CEP164: variants seen among roughly 807,000 people sequenced by gnomAD.
CEP164 encodes the protein centrosomal protein of 164 kDa.
A neutral mutation model predicts 182.7 loss-of-function variants in CEP164; 162 were observed. The ratio of observed to expected loss-of-function variants is 0.89; its 90% confidence interval spans 0.78 to 1.01. CEP164 has a LOEUF of 1.01. Ranked by LOEUF, CEP164 falls within the 50% of genes least tolerant of loss-of-function variation. The pLI is 0.00. For missense variants in CEP164, 1,735 were observed against 1,790.4 expected (o/e 0.97, Z 0.56); for synonymous variants, 661 against 690.0 (o/e 0.96, Z 0.66).
chr11:117,363,759 C>CTTTTTT lies in CEP164; in HGVS notation c.765+276_765+281dup, dbSNP rs72255760. Among the ~76,000 whole-genome samples the CTTTTTT allele has an allele frequency of 2.4e-4, 14 of 58,444 alleles. 2 individuals carry two copies. The highest frequency in any genetic ancestry group is 3.7e-4 in the Non-Finnish European group (12 of 32,080). The allele number at this position is 58,444 out of a possible 152,430, so 38.3% of individuals were successfully genotyped here. ...ATTGTAATACCTAAAACCTCCAATGCTTTTTTTTTTTTTTTTTTTTTTTTT... is the reference window on the plus strand; with the variant it reads ...ATTGTAATACCTAAAACCTCCAATGCTTTTTTTTTTTTTTTTTTTTTTTTTTTTTTT... On this transcript the variant is annotated intron_variant, in intron 8 of 32. Transcript: ENST00000278935.
rs980054224 is a variant in CEP164, at chr11:117,411,204, C to CGCCCCTCCCTCTA, written c.4163+319_4163+331dup. 2.8e-6 allele frequency: 1 copy of CGCCCCTCCCTCTA among 360,596 alleles called. No individual in the cohort carries two copies. Among genetic ancestry groups the CGCCCCTCCCTCTA allele is most frequent in the South Asian group, 4.0e-5 (1 of 25,018 alleles). The allele number at this position is 360,596 out of a possible 1,614,324, so 22.3% of individuals were successfully genotyped here. On this transcript the variant is annotated intron_variant, in intron 31 of 32. Transcript: ENST00000278935. The surrounding 1 kb of genome is among the most constrained non-coding windows in gnomAD (Gnocchi z 4.4). ...TCAGCCCCTGGTGGGACCCTGCCCC[C>CGCCCCTCCCTCTA]GCCCCTCCCTCTAGCCCCTCCAGCC...
chr11:117,391,996 C>T (rs919584966), intron 17 of CEP164, among the ~76,000 whole-genome samples: 2 of 152,148 alleles, frequency 1.3e-5, no homozygotes, highest in Admixed American at 6.5e-5. Context: ...AGCAGAGAGC[C>T]GAAACTTACT....
At chr11:117,350,139 C>T (rs752302742) in intron 4 of CEP164, among the ~76,000 whole-genome samples, 12 of 151,810 alleles carry the variant, frequency 7.9e-5, no homozygotes, top group Non-Finnish European at 1.6e-4. Flanking sequence ...GAACTCCTGA[C>T]GTCAGGTGAT....
At chr11:117,325,878 A>G (rs1476797184), upstream of CEP164, among the ~76,000 whole-genome samples, 1 of 150,894 alleles carries the variant, frequency 6.6e-6, no homozygotes, top group African/African-American at 2.4e-5. Flanking sequence ...AGGTATACAC[A>G]TGCCATAGAG....
chr11:117,355,839 T>A (rs2040234007), intron 5 of CEP164: 7 of 1,069,806 alleles, frequency 6.5e-6, no homozygotes, highest in Non-Finnish European at 8.0e-6. Context: ...CAGGGTCTCT[T>A]GCTAATACCA....
At chr11:117,355,624 A>G in intron 5 of CEP164, 1 of 1,197,612 alleles carries the variant, frequency 8.3e-7, no homozygotes, top group Non-Finnish European at 1.1e-6. Flanking sequence ...AGTTGTTGTT[A>G]GATAGCAGCC....
intron 14 of CEP164, among the ~76,000 whole-genome samples, chr11:117,383,761 G>A (rs1367790983): frequency 6.6e-6 from 1 of 152,222 alleles, no homozygotes; most frequent in Non-Finnish European, 1.5e-5. Context: ...TATAGGCCGG[G>A]CGCGGTGGCT....
chr11:117,328,874 C>T (rs145735396), intron 1 of CEP164, among the ~76,000 whole-genome samples: 1 of 152,196 alleles, frequency 6.6e-6, no homozygotes, highest in Non-Finnish European at 1.5e-5. Flanking sequence ...TCACAGTGTT[C>T]TGGCTTTAGT....
chr11:117,329,707 A>G (rs1173765049), intron 1 of CEP164, among the ~76,000 whole-genome samples: 1 of 151,874 alleles, frequency 6.6e-6, no homozygotes, highest in African/African-American at 2.4e-5. Flanking sequence ...ACTCCTGGCT[A>G]ATTTTTTGTA....
At chr11:117,342,636 C>T (rs995467965) in intron 3 of CEP164, among the ~76,000 whole-genome samples, 18 of 149,912 alleles carry the variant, frequency 1.2e-4, no homozygotes, top group African/African-American at 4.2e-4. Context: ...CCACCATGCC[C>T]GGCTACTTTT....
chr11:117,400,398 A>G (rs1428161603), intron 27 of CEP164, among the ~76,000 whole-genome samples: 3 of 152,118 alleles, frequency 2.0e-5, no homozygotes, highest in African/African-American at 7.2e-5. Flanking sequence ...GCCTTGTAGT[A>G]TCATTTGAAG....
intron 8 of CEP164, 116 bp downstream of exon 8, chr11:117,363,622 G>A (rs2041266620): frequency 2.9e-6 from 2 of 690,228 alleles, no homozygotes; most frequent in Admixed American, 5.5e-5. Context: ...TTTTGTCCCA[G>A]TCCTTCCAGA....
At chr11:117,410,991 C>A in intron 31 of CEP164, 97 bp downstream of exon 31, 1 of 1,102,784 alleles carries the variant, frequency 9.1e-7, no homozygotes, top group Non-Finnish European at 1.3e-6. Flanking sequence ...AGCAGACCTC[C>A]TGGTCTTACC....
rs758759503 is a variant in CEP164, at chr11:117,397,297, G to A, written c.3485G>A (p.Arg1162His). The A allele has an allele frequency of 2.3e-5, 37 of 1,612,532 alleles. No homozygotes were observed. Among genetic ancestry groups the A allele is most frequent in the Non-Finnish European group, 2.8e-5 (33 of 1,179,750 alleles). The change falls in exon 27 of 33, where the codon CGC becomes CAC. Residue 1162 changes from arginine to histidine, a missense_variant. By Grantham distance (29) the Arg-to-His change is conservative. Transcript: ENST00000278935. ...PPGIKALEDMRKNLEKETRHL... is the reference protein window; with the variant it reads ...PPGIKALEDMHKNLEKETRHL... ...GGCATCAAGGCCCTGGAAGATATGC[G>A]CAAGAACCTGGAGAAGGTCAGGAGC... is the stretch of plus-strand genomic sequence containing the variant.
At position 117,394,916 on chromosome 11, in the gene CEP164, G is replaced by A. The variant is rs764805933; in HGVS notation, c.2761-4G>A. ...TATGCTTATGTGTTTCCCTTTCTGG[G>A]CAGGAAAGGAAGCTCCAGGATTTAG... On this transcript the variant is annotated splice_region_variant and splice_polypyrimidine_tract_variant and intron_variant, in intron 21 of 32. Transcript: ENST00000278935. This position sits in a 1 kb window ranked among gnomAD's most constrained non-coding sequence, Gnocchi z 4.0. 1 of 1,613,840 alleles carries A rather than the reference G, an allele frequency of 6.2e-7. No individual in the cohort carries two copies. The highest frequency in any genetic ancestry group is 8.5e-7 in the Non-Finnish European group (1 of 1,179,792).
chr11:117,410,825 C>T lies in CEP164; in HGVS notation c.4097-3C>T. 1 of 1,612,042 alleles carries T rather than the reference C, an allele frequency of 6.2e-7. No homozygotes were observed. The highest frequency in any genetic ancestry group is 1.1e-5 in the South Asian group (1 of 90,542). On this transcript the variant is annotated splice_region_variant and splice_polypyrimidine_tract_variant and intron_variant, in intron 30 of 32. Transcript: ENST00000278935. ...TCTGAGTCCTGTCCCCATGCTCTTC[C>T]AGCTGGCATCCCGCTGCTCAGCAAC...
chr11:117,392,332 A>G (rs1435146950), intron 18 of CEP164, 29 bp downstream of exon 18: 1 of 1,600,228 alleles, frequency 6.2e-7, no homozygotes, highest in Non-Finnish European at 8.5e-7. Flanking sequence ...GGCCCCCTTC[A>G]TGGCTGATTA....
chr11:117,378,535 T>C (rs2042987519), intron 11 of CEP164, among the ~76,000 whole-genome samples: 2 of 152,214 alleles, frequency 1.3e-5, no homozygotes, highest in Non-Finnish European at 2.9e-5. Flanking sequence ...TTTATTTAAC[T>C]GAGGACTGCA....
chr11:117,387,073 C>T lies in CEP164; in HGVS notation c.1725-130C>T, dbSNP rs967303090. On this transcript the variant is annotated intron_variant, in intron 14 of 32. Transcript: ENST00000278935. ...TATCTCTTGGCCTGCCCTTGGGTGA[C>T]CTCTTTGACTCCTGATTGTGGGCCC... The T allele has an allele frequency of 2.5e-5, 20 of 802,692 alleles. No individual in the cohort carries two copies. In the Admixed American group the frequency reaches 4.1e-4, roughly 17 times the overall value. The allele number at this position is 802,692 out of a possible 1,614,324, so 49.7% of individuals were successfully genotyped here. A position where few individuals can be genotyped will look rare whatever the true frequency, so the allele number is the denominator to read the frequency against.
Sources: allele counts gnomAD v4.1 joint callset (sites outside exome capture counted in the v4.1 genomes callset), GRCh38; gene constraint gnomAD v4.1.1; non-coding constraint Gnocchi (gnomAD v3.1); transcripts MANE v1.5; gene names NCBI Gene and HGNC (gene_info 2026-07-23, HGNC 2026-07-21).